Variants in NUDT19 observed in about 807,000 individuals in gnomAD.
NUDT19 encodes the protein acyl-coenzyme A diphosphatase NUDT19.
Under a neutral mutation model 22.2 loss-of-function variants are expected in NUDT19, and 31 were observed. The ratio of observed to expected loss-of-function variants is 1.40; its 90% CI spans 1.05 to 1.89. The LOEUF is 1.89. Among genes scored for constraint, NUDT19 ranks in the 40% most tolerant of loss-of-function variants. The pLI is 0.00. For missense variants in NUDT19, 752 were observed against 514.2 expected, an observed-to-expected ratio of 1.46 and a Z score of -4.47; for synonymous variants, 325 against 230.8, an observed-to-expected ratio of 1.41 and a Z score of -3.70.
intron 1 of NUDT19, among the ~76,000 whole-genome samples, chr19:32,693,237 T>G (rs919333543): frequency 6.6e-6 from 1 of 152,200 alleles, no homozygotes; most frequent in East Asian, 1.9e-4. Context: ...GATGTTCAGA[T>G]GTGTCTGGAG....
chr19:32,692,010 G>A lies in NUDT19; in HGVS notation c.50G>A (p.Ser17Asn). The A allele has an allele frequency of 8.0e-7, 1 of 1,249,980 alleles. No homozygotes were observed. The allele number at this position is 1,249,980 out of a possible 1,614,324, so 77.4% of individuals were successfully genotyped here. A position where few individuals can be genotyped will look rare whatever the true frequency, so the allele number is the denominator to read the frequency against. Residue 17 changes from serine to asparagine, a missense_variant, in exon 1 of 3, where the codon AGC becomes AAC. Coordinates refer to ENST00000397061, the MANE Select transcript of NUDT19 (RefSeq NM_001105570.2). The stretch of plus-strand genomic sequence containing the variant: ...CCCAGCCGCTGGCGGCGGGCGGCCA[G>A]CATCGTCCTGGCGGCTGGCTGGTCG... ...PGPSRWRRAA[S>N]IVLAAGWSRP...
rs369783028 is a variant in NUDT19 at position 32,709,221 on chromosome 19, T to G, written c.751T>G (p.Ser251Ala). 13 of 1,614,032 alleles carry G rather than the reference T, an allele frequency of 8.1e-6. No individual in the cohort carries two copies. In the South Asian group the frequency reaches 1.3e-4, roughly 16 times the overall value. ...ATCAGAGGCAACTGAAAGTTTCTTA[T>G]CAAAAGAAATTTGGTTGCCACCCCC... ...SPSEATESFL[S>A]KEIWLPPPQF... Residue 251 changes from serine to alanine, a missense_variant, in exon 2 of 3, where the codon TCA becomes GCA. Ser to Ala is a moderately conservative substitution (Grantham distance 99). Transcript: ENST00000397061.
At chr19:32,708,288 G>A (rs1968409162) in intron 1 of NUDT19, among the ~76,000 whole-genome samples, 1 of 151,482 alleles carries the variant, frequency 6.6e-6, no homozygotes, top group Admixed American at 6.6e-5. Flanking sequence ...TTAGCCGGGT[G>A]TGGTGGTGGG....
intron 1 of NUDT19, among the ~76,000 whole-genome samples, chr19:32,702,460 T>G (rs1048790539): frequency 6.6e-6 from 1 of 152,156 alleles, no homozygotes; most frequent in African/African-American, 2.4e-5. Context: ...TTTCTGGCTA[T>G]TATAACTAAA....
At chr19:32,697,723 CT>C (rs1447870555) in intron 1 of NUDT19, among the ~76,000 whole-genome samples, 1 of 152,196 alleles carries the variant, frequency 6.6e-6, no homozygotes, top group Non-Finnish European at 1.5e-5. Flanking sequence ...AAGCCACATT[CT>C]TTTCATTAAA....
chr19:32,692,597 G>A lies in NUDT19; in HGVS notation c.637G>A (p.Asp213Asn), dbSNP rs1186809734. The A allele has an allele frequency of 6.3e-7, 1 of 1,579,676 alleles. No homozygotes were observed. Among genetic ancestry groups the A allele is most frequent in the Non-Finnish European group, 8.6e-7 (1 of 1,167,472 alleles). ...PFLRGTTRRF[D>N]TAFFLCCLRE... ...CTTGCGGGGCACCACTCGCCGCTTT[G>A]ACACGGCCTTCTTCCTGTGCTGCCT... The change falls in exon 1 of 3, where the codon GAC (aspartate) becomes AAC (asparagine). Residue 213 changes from aspartate to asparagine, a missense_variant. Coordinates refer to ENST00000397061, the MANE Select transcript of NUDT19 (RefSeq NM_001105570.2).
chr19:32,697,012 C>T (rs548310008), intron 1 of NUDT19, among the ~76,000 whole-genome samples: 3 of 152,268 alleles, frequency 2.0e-5, no homozygotes, highest in East Asian at 1.9e-4. Context: ...ATTGCCTCGG[C>T]ATAGTGGACA....
rs34357522 is a variant in NUDT19 at position 32,710,420 on chromosome 19, CAAA to C, written c.922+1044_922+1046del. Among the ~76,000 whole-genome samples, 213 of 107,032 alleles carry C rather than the reference CAAA, an allele frequency of 2.0e-3. 2 individuals are homozygous for C. The highest frequency in any genetic ancestry group is 4.0e-3 in the African/African-American group (120 of 30,054). The allele number at this position is 107,032 out of a possible 152,430, so 70.2% of individuals were successfully genotyped here. A position where few individuals can be genotyped will look rare whatever the true frequency, so the allele number is the denominator to read the frequency against. ...GTTAACTCTATCTCAACTGAAAATA[CAAA>C]AAAAAAAAAAAAAAACAAATTAGCC... On this transcript the variant is annotated intron_variant, in intron 2 of 2. Transcript: ENST00000397061.
intron 1 of NUDT19, 47 bp downstream of exon 1, chr19:32,692,721 G>A: frequency 1.5e-6 from 2 of 1,379,192 alleles, no homozygotes; most frequent in East Asian, 2.8e-5. Flanking sequence ...GACGTGAGAG[G>A]GAGGACCCCT....
In NUDT19 at chr19:32,711,925, A is replaced by G; in HGVS notation, c.1096A>G (p.Lys366Glu). Reference sequence around the variant, plus strand: ...GCCAAAGTATAAACACGTTTATCCTAAGAACTCTGTAGTAAGAAAAAGCCA... The same window carrying G: ...GCCAAAGTATAAACACGTTTATCCTGAGAACTCTGTAGTAAGAAAAAGCCA... ...VQPKYKHVYP[K>E]NSVVRKSHL Residue 366 changes from lysine to glutamate, a missense_variant, in exon 3 of 3, where the codon AAG becomes GAG. Coordinates refer to ENST00000397061, the MANE Select transcript of NUDT19 (RefSeq NM_001105570.2). The G allele has an allele frequency of 1.2e-6, 2 of 1,613,900 alleles. No individual in the cohort carries two copies. Among genetic ancestry groups the G allele is most frequent in the Middle Eastern group, 1.7e-4 (1 of 6,058 alleles).
At position 32,692,342 on chromosome 19, in the gene NUDT19, GC is replaced by G. The variant is rs751655165; in HGVS notation, c.384del (p.Val129CysfsTer136). The part of the protein sequence containing the change: ...LPEDVAFRIC[A>X]VREAFEEAGV... The stretch of plus-strand genomic sequence containing the variant: ...TGAGGACGTAGCCTTCCGCATCTGC[GC>G]CGTGCGGGAGGCCTTTGAGGAGGCG... On this transcript the variant is annotated frameshift_variant, in exon 1 of 3. Transcript: ENST00000397061. LOFTEE classifies it high-confidence loss of function. 6.3e-6 allele frequency: 10 copies of G among 1,591,118 alleles called. No individual in the cohort carries two copies. Among genetic ancestry groups the G allele is most frequent in the Non-Finnish European group, 5.9e-6 (7 of 1,176,848 alleles).
At chr19:32,697,094 T>G (rs1200675843) in intron 1 of NUDT19, among the ~76,000 whole-genome samples, 1 of 152,184 alleles carries the variant, frequency 6.6e-6, no homozygotes, top group Non-Finnish European at 1.5e-5. Context: ...ACCACACTGA[T>G]AACAAGCCCT....
chr19:32,711,666 T>C, intron 2 of NUDT19, 86 bp from the exon 3 acceptor site: 1 of 735,582 alleles, frequency 1.4e-6, no homozygotes, highest in Non-Finnish European at 2.3e-6. Context: ...AAAATAATAC[T>C]CGATGGAATT....
chr19:32,705,758 T>G (rs1968381261), intron 1 of NUDT19, among the ~76,000 whole-genome samples: 1 of 152,130 alleles, frequency 6.6e-6, no homozygotes, highest in Non-Finnish European at 1.5e-5. Context: ...CTAATTTTTG[T>G]ATTTTTAGTA....
chr19:32,693,521 G>A (rs1327290231), intron 1 of NUDT19, among the ~76,000 whole-genome samples: 1 of 152,200 alleles, frequency 6.6e-6, no homozygotes, highest in Non-Finnish European at 1.5e-5. Flanking sequence ...GGGGATCAGA[G>A]CAGGTTGGGT....
intron 1 of NUDT19, among the ~76,000 whole-genome samples, chr19:32,693,484 CA>C: frequency 6.6e-6 from 1 of 152,296 alleles, no homozygotes; most frequent in South Asian, 2.1e-4. Context: ...TTGCAAAGAG[CA>C]AAAGAACAAA....
At chr19:32,706,479 T>A (rs1198131740) in intron 1 of NUDT19, among the ~76,000 whole-genome samples, 5 of 152,070 alleles carry the variant, frequency 3.3e-5, no homozygotes, top group Admixed American at 6.6e-5. Context: ...AGGTCGGGAG[T>A]TCGAGACCAG....
chr19:32,708,299 C>T (rs1488746207), intron 1 of NUDT19, among the ~76,000 whole-genome samples: 4 of 149,464 alleles, frequency 2.7e-5, no homozygotes, highest in South Asian at 2.1e-4. Flanking sequence ...TGGTGGTGGG[C>T]GCCTGTAGTC....
At chr19:32,704,878 G>A (rs1181209924) in intron 1 of NUDT19, among the ~76,000 whole-genome samples, 3 of 151,860 alleles carry the variant, frequency 2.0e-5, no homozygotes, top group East Asian at 1.9e-4. Context: ...AGGCCAAGGC[G>A]GGTAGATCAC....
Sources: allele counts gnomAD v4.1 joint callset (sites outside exome capture counted in the v4.1 genomes callset), GRCh38; gene constraint gnomAD v4.1.1; transcripts MANE v1.5; gene names NCBI Gene and HGNC (gene_info 2026-07-23, HGNC 2026-07-21).